Variants in SERPINA12 observed in about 807,000 individuals in gnomAD.
SERPINA12 encodes serpin A12.
A neutral mutation model predicts 25.9 loss-of-function variants in SERPINA12; 21 were observed. That is an observed-to-expected ratio of 0.81 (90% CI 0.58 to 1.17). The LOEUF (loss-of-function observed/expected upper bound fraction) is 1.17, where lower values mean the gene tolerates loss of function less well. Among genes scored for constraint, SERPINA12 ranks in the 50% most tolerant of loss-of-function variants. The probability of loss-of-function intolerance (pLI) is 0.00; values close to 1 mark genes in which losing one functional copy is unlikely to be tolerated. For missense variants in SERPINA12, 562 were observed against 508.3 expected, an observed-to-expected ratio of 1.11 and a Z score of -1.02; for synonymous variants, 220 against 196.0, an observed-to-expected ratio of 1.12 and a Z score of -1.02.
At chr14:94,510,168 G>A (rs1901072135), upstream of SERPINA12, 6 of 985,380 alleles carry the variant, frequency 6.1e-6, no homozygotes, top group South Asian at 2.8e-4. Context: ...CCTGTACAAT[G>A]GGCAATAGGA....
At position 94,489,571 on chromosome 14, in the gene SERPINA12, G is replaced by A. The variant is rs371723393; in HGVS notation, c.1053+49C>T. 6.3e-6 allele frequency: 10 copies of A among 1,593,274 alleles called. No homozygotes were observed. In the African/African-American group the frequency reaches 8.1e-5, roughly 13 times the overall value. On this transcript the variant is annotated intron_variant, in intron 4 of 4. Coordinates refer to ENST00000677451, the MANE Select transcript of SERPINA12 (RefSeq NM_001382267.1). ...GACCCTGGCTCTGGCCCCGGCTGGG[G>A]GAAGGCCCCTGTGCTGCAGGGAGTG...
At chr14:94,502,283 C>T (rs868544622) in intron 1 of SERPINA12, among the ~76,000 whole-genome samples, 3 of 152,128 alleles carry the variant, frequency 2.0e-5, no homozygotes, top group South Asian at 2.1e-4. Context: ...CTCACTGACC[C>T]GGAAGTCATT....
chr14:94,497,250 A>G (rs1314469980), intron 2 of SERPINA12, among the ~76,000 whole-genome samples: 1 of 152,192 alleles, frequency 6.6e-6, no homozygotes, highest in Non-Finnish European at 1.5e-5. Flanking sequence ...AAAGTCTGAT[A>G]AGGAGAATTT....
intron 2 of SERPINA12, among the ~76,000 whole-genome samples, chr14:94,515,356 A>T (rs1901206632): frequency 6.6e-6 from 1 of 151,966 alleles, no homozygotes; most frequent in Non-Finnish European, 1.5e-5. Flanking sequence ...AACGGGAGGA[A>T]CCCGGAGTTT....
In SERPINA12 at chr14:94,501,889, C is replaced by T. The variant is rs531564069; in HGVS notation, c.-33-3459G>A. ...GGGCTTTAAACTGACCCAAATTTGT[C>T]AGTTGGGTTAGATGCCTGAGTAGGC... On this transcript the variant is annotated intron_variant, in intron 1 of 4. Coordinates refer to ENST00000677451, the MANE Select transcript of SERPINA12 (RefSeq NM_001382267.1). Among the ~76,000 whole-genome samples, 11 of 152,228 alleles carry T rather than the reference C, an allele frequency of 7.2e-5. No homozygotes were observed. In the East Asian group the frequency reaches 2.1e-3, roughly 30 times the overall value.
At chr14:94,489,903 G>A in intron 3 of SERPINA12, 136 bp from the exon 4 acceptor site, 1 of 854,030 alleles carries the variant, frequency 1.2e-6, no homozygotes, top group Non-Finnish European at 1.8e-6. Context: ...ACAGAATGAG[G>A]AGGGGCTCCT....
chr14:94,512,846 G>C (rs1452039807), upstream of SERPINA12, among the ~76,000 whole-genome samples: 1 of 152,184 alleles, frequency 6.6e-6, no homozygotes, highest in Non-Finnish European at 1.5e-5. Context: ...GATGGGAAAA[G>C]CTCATTTCTG....
intron 2 of SERPINA12, 73 bp from the exon 3 acceptor site, chr14:94,496,716 G>A: frequency 7.9e-7 from 1 of 1,263,666 alleles, no homozygotes; most frequent in Non-Finnish European, 1.1e-6. Context: ...CTAACCAGTA[G>A]TCTCTCTCCA....
At chr14:94,494,654 T>C (rs1223372619) in intron 3 of SERPINA12, among the ~76,000 whole-genome samples, 1 of 152,180 alleles carries the variant, frequency 6.6e-6, no homozygotes, top group Admixed American at 6.5e-5. Flanking sequence ...AGGACACCTG[T>C]CATTCAATAA....
chr14:94,493,248 C>T (rs1187000206), intron 3 of SERPINA12, among the ~76,000 whole-genome samples: 2 of 152,164 alleles, frequency 1.3e-5, no homozygotes, highest in Admixed American at 1.3e-4. Context: ...AATGTTTGTT[C>T]CTATCATGTT....
intron 2 of SERPINA12, 42 bp from the exon 3 acceptor site, chr14:94,496,685 A>T (rs1900440913): frequency 6.4e-7 from 1 of 1,571,716 alleles, no homozygotes. Flanking sequence ...ATCCCAAGGG[A>T]AAAAAGGTGA....
At chr14:94,497,738 C>T (rs1326085899) in intron 2 of SERPINA12, 26 bp downstream of exon 2, 3 of 1,573,696 alleles carry the variant, frequency 1.9e-6, no homozygotes, top group Admixed American at 1.8e-5. Flanking sequence ...CCTATTCTTT[C>T]CACACCAACA....
At chr14:94,514,115 C>T (rs1481703903), upstream of SERPINA12, among the ~76,000 whole-genome samples, 1 of 152,222 alleles carries the variant, frequency 6.6e-6, no homozygotes, top group Non-Finnish European at 1.5e-5. Context: ...TCGTGCAAAG[C>T]CCTGGGACAG....
intron 2 of SERPINA12, 38 bp downstream of exon 2, chr14:94,497,726 A>T: frequency 6.4e-7 from 1 of 1,553,064 alleles, no homozygotes; most frequent in East Asian, 2.2e-5. Flanking sequence ...TCTAGTGGTC[A>T]TCCTATTCTT....
chr14:94,514,001 A>G (rs183389350), upstream of SERPINA12, among the ~76,000 whole-genome samples: 524 of 152,218 alleles, frequency 3.4e-3, 3 homozygotes, highest in African/African-American at 0.012. Context: ...GTGCGGGCCT[A>G]GACTCCCAAG....
At chr14:94,499,151 A>G (rs1900602220) in intron 1 of SERPINA12, among the ~76,000 whole-genome samples, 1 of 152,222 alleles carries the variant, frequency 6.6e-6, no homozygotes, top group Admixed American at 6.5e-5. Context: ...ACTAATTTAC[A>G]GAGATCAAGC....
At chr14:94,499,125 A>G (rs1595693748) in intron 1 of SERPINA12, among the ~76,000 whole-genome samples, 1 of 152,182 alleles carries the variant, frequency 6.6e-6, no homozygotes, top group East Asian at 1.9e-4. Flanking sequence ...TTTCCCCTTC[A>G]GCCAAAAGAA....
intron 4 of SERPINA12, among the ~76,000 whole-genome samples, chr14:94,488,930 A>T (rs144840667): frequency 0.076 from 11,525 of 152,212 alleles, 538 homozygotes; most frequent in Middle Eastern, 0.12. Flanking sequence ...CCCTGTCTCT[A>T]CTAAAAATAC....
At position 94,487,426 on chromosome 14, in the gene SERPINA12, CTG is replaced by C; in HGVS notation, c.1120_1121del (p.Gln374AspfsTer36). The C allele has an allele frequency of 6.2e-7, 1 of 1,614,080 alleles. No homozygotes were observed. Among genetic ancestry groups the C allele is most frequent in the South Asian group, 1.1e-5 (1 of 91,064 alleles). ...CGAGTGGTGTCTCCATGGGCAGAGT[CTG>C]TGCTCCGGTGCCAGCGGCCCCTTCC... ...GTEGAAGTGA[Q>X]TLPMETPLVV... is the part of the protein sequence containing the mutation. On this transcript the variant is annotated frameshift_variant, in exon 5 of 5. Transcript: ENST00000677451. LOFTEE classifies it low-confidence loss of function (END_TRUNC).
Sources: gnomAD v4.1 joint callset for allele counts (sites outside exome capture counted in the v4.1 genomes callset) on GRCh38, gnomAD v4.1.1 for gene constraint, MANE v1.5 for transcripts, NCBI Gene and HGNC (gene_info 2026-07-23, HGNC 2026-07-21) for gene names.